Variants in ROBO2 observed in about 807,000 individuals in gnomAD.
ROBO2 encodes roundabout guidance receptor 2.
ROBO2 carries 53 observed loss-of-function variants against 160.8 expected under a neutral mutation model. That is an observed-to-expected ratio of 0.33 (90% CI 0.26 to 0.41). The LOEUF is 0.41. ROBO2 is among the 10% of genes least tolerant of loss of function. ROBO2 has a pLI of 1.00. For missense variants in ROBO2, 1,577 were observed against 1,722.4 expected, an observed-to-expected ratio of 0.92 and a Z score of 1.49; for synonymous variants, 664 against 611.7, an observed-to-expected ratio of 1.09 and a Z score of -1.26.
intron 2 of ROBO2, among the ~76,000 whole-genome samples, chr3:76,815,863 T>C (rs2065625817): frequency 6.6e-6 from 1 of 152,100 alleles, no homozygotes; most frequent in South Asian, 2.1e-4. Flanking sequence ...GCTGCACTTT[T>C]CCAGAGAAAA....
At chr3:76,675,983 A>C (rs572874475) in intron 2 of ROBO2, among the ~76,000 whole-genome samples, 2 of 152,310 alleles carry the variant, frequency 1.3e-5, no homozygotes, top group African/African-American at 4.8e-5. Flanking sequence ...CCTTGCCATT[A>C]AGTGGATACG....
At chr3:77,208,945 T>TA (rs1259214710) in intron 2 of ROBO2, among the ~76,000 whole-genome samples, 2 of 152,178 alleles carry the variant, frequency 1.3e-5, no homozygotes, top group African/African-American at 2.4e-5. Context: ...AATAACCTGA[T>TA]ATGTTTCATA....
intron 2 of ROBO2, among the ~76,000 whole-genome samples, chr3:77,126,937 C>T (rs1038688076): frequency 1.4e-4 from 21 of 151,236 alleles, no homozygotes; most frequent in Admixed American, 9.2e-4. Context: ...TGCAGGTGCC[C>T]GCCACCACGC....
rs1016218986 is a variant in ROBO2 at position 76,517,994 on chromosome 3, A to G, written c.110-580020A>G. 3.3e-5 allele frequency among the ~76,000 whole-genome samples: 5 copies of G among 152,148 alleles called. No homozygotes were observed. In the East Asian group the frequency reaches 9.6e-4, roughly 29 times the overall value. On this transcript the variant is annotated intron_variant, in intron 2 of 26. Transcript: ENST00000487694. ...ATTCCTTTTTTTATATTAAAAAAAA[A>G]CTTTATCATGCATCAGGGGGTTCCT...
At chr3:76,342,084 A>G (rs946781308) in intron 2 of ROBO2, among the ~76,000 whole-genome samples, 1 of 152,122 alleles carries the variant, frequency 6.6e-6, no homozygotes, top group Admixed American at 6.6e-5. Context: ...CTGGTAGACA[A>G]TCTAATTAGG....
In ROBO2 at chr3:76,517,183, A is replaced by T. The variant is rs557887349; in HGVS notation, c.109+579581A>T. On this transcript the variant is annotated intron_variant, in intron 2 of 26. Transcript: ENST00000487694. ...GGGACATGCGTGCATGTGAATATAT[A>T]TTTCAGTGCTTTTACCCATGTATGT... Among the ~76,000 whole-genome samples, 227 of 152,240 alleles carry T rather than the reference A, an allele frequency of 1.5e-3. 1 individual carries two copies. Among genetic ancestry groups the T allele is most frequent in the African/African-American group, 5.2e-3 (216 of 41,548 alleles).
chr3:77,569,738 C>T (rs2093590014), intron 13 of ROBO2, among the ~76,000 whole-genome samples: 1 of 151,832 alleles, frequency 6.6e-6, no homozygotes, highest in Non-Finnish European at 1.5e-5. Context: ...CTTAGCTATT[C>T]AGGCTTTTTT....
chr3:76,212,556 G>T (rs1215920188), intron 2 of ROBO2, among the ~76,000 whole-genome samples: 6 of 151,874 alleles, frequency 4.0e-5, no homozygotes, highest in Non-Finnish European at 8.8e-5. Context: ...TTGTTAGTTT[G>T]TTTCTAAATG....
chr3:76,997,137 G>A (rs1360569904), intron 2 of ROBO2, among the ~76,000 whole-genome samples: 1 of 152,046 alleles, frequency 6.6e-6, no homozygotes, highest in African/African-American at 2.4e-5. Context: ...TTTGTTTTAG[G>A]TAGTATTAAA....
chr3:77,397,515 T>C (rs943244285), intron 2 of ROBO2, among the ~76,000 whole-genome samples: 6 of 152,162 alleles, frequency 3.9e-5, no homozygotes, highest in South Asian at 2.1e-4. Context: ...AGATGAAGCC[T>C]TGTAAGTGTG....
intron 2 of ROBO2, among the ~76,000 whole-genome samples, chr3:76,141,363 A>T (rs1030672672): frequency 6.6e-6 from 1 of 150,388 alleles, no homozygotes; most frequent in Non-Finnish European, 1.5e-5. Context: ...AATGTGTGAG[A>T]AAAAAACTTG....
chr3:76,196,648 A>G (rs1259168399), intron 2 of ROBO2, among the ~76,000 whole-genome samples: 1 of 152,178 alleles, frequency 6.6e-6, no homozygotes, highest in East Asian at 1.9e-4. Flanking sequence ...TTTGCATGAA[A>G]AAAAGTAAAT....
intron 2 of ROBO2, among the ~76,000 whole-genome samples, chr3:76,273,492 A>G (rs1559707896): frequency 6.6e-6 from 1 of 152,084 alleles, no homozygotes; most frequent in Non-Finnish European, 1.5e-5. Flanking sequence ...TAATTGACTC[A>G]CAGTTCTTCA....
At chr3:77,083,701 A>G (rs2068936024) in intron 1 of ROBO2, among the ~76,000 whole-genome samples, 1 of 152,158 alleles carries the variant, frequency 6.6e-6, no homozygotes, top group African/African-American at 2.4e-5. Context: ...CTAAGCGGTT[A>G]TGATAGAAAT....
At chr3:75,961,190 C>A (rs143349886) in intron 2 of ROBO2, among the ~76,000 whole-genome samples, 16 of 151,600 alleles carry the variant, frequency 1.1e-4, no homozygotes, top group African/African-American at 2.9e-4. Context: ...TGGAGAATGG[C>A]ACTTTTTTTT....
chr3:77,297,206 A>G lies in ROBO2; in HGVS notation c.389-180208A>G, dbSNP rs141298377. Among the ~76,000 whole-genome samples, 458 of 152,248 alleles carry G rather than the reference A, an allele frequency of 3.0e-3. 2 individuals carry two copies. The highest frequency in any genetic ancestry group is 0.014 in the Middle Eastern group (4 of 294). ...GCTTTCAACTTGGGCTACATGTGAC[A>G]GTGACCTAGGGACATTTTTACAACT... is the stretch of plus-strand genomic sequence containing the variant. On this transcript the variant is annotated intron_variant, in intron 2 of 25. Transcript: ENST00000461745.
At chr3:77,191,091 A>G (rs2081796579) in intron 2 of ROBO2, among the ~76,000 whole-genome samples, 1 of 152,168 alleles carries the variant, frequency 6.6e-6, no homozygotes, top group African/African-American at 2.4e-5. Context: ...TAAATGCTAA[A>G]TAAACACATT....
chr3:76,553,066 A>C (rs2083507598), intron 2 of ROBO2, among the ~76,000 whole-genome samples: 1 of 152,230 alleles, frequency 6.6e-6, no homozygotes, highest in South Asian at 2.1e-4. Flanking sequence ...AATAGGAGAG[A>C]TAGGATGTGA....
chr3:76,903,237 T>C (rs1380382228), intron 2 of ROBO2, among the ~76,000 whole-genome samples: 2 of 152,186 alleles, frequency 1.3e-5, no homozygotes, highest in Non-Finnish European at 1.5e-5. Flanking sequence ...CCAATGTTTC[T>C]CTTAACCTGT....
Sources: gnomAD v4.1 joint callset for allele counts (sites outside exome capture counted in the v4.1 genomes callset) on GRCh38, gnomAD v4.1.1 for gene constraint, MANE v1.5 for transcripts, NCBI Gene and HGNC (gene_info 2026-07-23, HGNC 2026-07-21) for gene names.